Variants in LRRC66 observed in about 807,000 individuals in gnomAD.
The protein encoded by LRRC66 is leucine-rich repeat-containing protein 66.
LRRC66 carries 29 observed loss-of-function variants against 24.6 expected under a neutral mutation model. The ratio of observed to expected loss-of-function variants is 1.18; its 90% CI spans 0.88 to 1.61. LRRC66 has a LOEUF of 1.61. Ranked by LOEUF, LRRC66 falls within the 40% of genes most tolerant of loss-of-function variation. LRRC66 has a pLI of 0.00. For synonymous variants in LRRC66, 411 were observed against 397.6 expected, an observed-to-expected ratio of 1.03 and a Z score of -0.40; for missense variants, 1,124 against 1,058.0, an observed-to-expected ratio of 1.06 and a Z score of -0.87.
intron 4 of LRRC66, 76 bp from the exon 5 acceptor site, chr4:51,996,241 G>A: frequency 1.4e-6 from 2 of 1,388,988 alleles, no homozygotes; most frequent in East Asian, 2.4e-5. Flanking sequence ...CTTTTTTACA[G>A]AATTGAAAAA....
chr4:52,003,477 C>T (rs1385279777), intron 2 of LRRC66, 85 bp from the exon 3 acceptor site: 2 of 1,140,076 alleles, frequency 1.8e-6, no homozygotes. Flanking sequence ...TTGGAGACAA[C>T]ATTAAGAGTT....
Position 52,002,598 on chromosome 4 carries a change from C to T in LRRC66, c.666+625G>A, listed in dbSNP as rs938583237. ...GCACCTTGGGAGATTAACTGCAACGCGCCAGAGACAGGAACTATTGGGCCA... is the reference window on the plus strand; with the variant it reads ...GCACCTTGGGAGATTAACTGCAACGTGCCAGAGACAGGAACTATTGGGCCA... On this transcript the variant is annotated intron_variant, in intron 3 of 4. Transcript: ENST00000682860. Among the ~76,000 whole-genome samples, 11 of 152,314 alleles carry T rather than the reference C, an allele frequency of 7.2e-5. No homozygotes were observed. In the South Asian group the frequency reaches 1.2e-3, roughly 17 times the overall value.
chr4:51,994,097 G>T lies in LRRC66; in HGVS notation c.*282C>A. ...TGTTTGGAGCTCTTGTAATAATGGT[G>T]CATGGTTCTTGGAATGATCTCAAAA... On this transcript the variant is annotated 3_prime_UTR_variant, in exon 5 of 5. Transcript: ENST00000682860. The T allele has an allele frequency of 6.0e-6, 2 of 333,288 alleles. No individual in the cohort carries two copies. Among genetic ancestry groups the T allele is most frequent in the Non-Finnish European group, 1.1e-5 (2 of 183,884 alleles). 20.6% of individuals were successfully genotyped at this position (333,288 alleles called of 1,614,324 possible). A position where few individuals can be genotyped will look rare whatever the true frequency, so the allele number is the denominator to read the frequency against.
intron 3 of LRRC66, among the ~76,000 whole-genome samples, chr4:52,000,967 C>T (rs1013069629): frequency 1.3e-5 from 2 of 152,190 alleles, no homozygotes; most frequent in African/African-American, 4.8e-5. Flanking sequence ...CAACAGATAA[C>T]TAATACTCCT....
intron 2 of LRRC66, among the ~76,000 whole-genome samples, chr4:52,004,724 T>C (rs976135361): frequency 3.9e-5 from 6 of 152,230 alleles, no homozygotes; most frequent in Middle Eastern, 3.2e-3. Context: ...AAGGTACTTA[T>C]TGTAAGATTG....
intron 3 of LRRC66, among the ~76,000 whole-genome samples, chr4:51,999,544 A>C (rs993636073): frequency 6.6e-6 from 1 of 152,240 alleles, no homozygotes; most frequent in African/African-American, 2.4e-5. Context: ...GACGATCAGT[A>C]GCTTTCTTAT....
chr4:51,994,497 CTAAG>C lies in LRRC66; in HGVS notation c.2521_2524del (p.Leu841GlufsTer3), dbSNP rs776225232. 5 of 1,614,198 alleles carry C rather than the reference CTAAG, an allele frequency of 3.1e-6. No individual in the cohort carries two copies. The highest frequency in any genetic ancestry group is 4.2e-6 in the Non-Finnish European group (5 of 1,180,036). ...GTCCACATTTGAAAATTCTAAGTCT[CTAAG>C]TGAGCAATGCCATTCTGCTGCCTTG... On this transcript the variant is annotated frameshift_variant, in exon 5 of 5. Coordinates refer to ENST00000682860, the MANE Select transcript of LRRC66 (RefSeq NM_001024611.3). LOFTEE classifies it low-confidence loss of function (END_TRUNC).
At chr4:52,002,949 T>G (rs909736904) in intron 3 of LRRC66, among the ~76,000 whole-genome samples, 1 of 152,228 alleles carries the variant, frequency 6.6e-6, no homozygotes, top group Non-Finnish European at 1.5e-5. Context: ...AGTGAAATCT[T>G]GGAGTTGGAT....
At position 51,996,199 on chromosome 4, in the gene LRRC66, G is replaced by C. The variant is rs753585769; in HGVS notation, c.857-34C>G. On this transcript the variant is annotated intron_variant, in intron 4 of 4. Transcript: ENST00000682860. ...GGGATTAAAAAAATACACATTGAGC[G>C]AACATTGAAATAAGATTTCAGGGGT... is the stretch of plus-strand genomic sequence containing the variant. The C allele has an allele frequency of 2.7e-5, 40 of 1,502,856 alleles. No homozygotes were observed. The South Asian group carries it at 4.5e-4, about 17-fold the overall frequency. The allele number at this position is 1,502,856 out of a possible 1,614,324, so 93.1% of individuals were successfully genotyped here.
At chr4:52,012,155 C>G (rs1490785430) in intron 2 of LRRC66, among the ~76,000 whole-genome samples, 1 of 151,892 alleles carries the variant, frequency 6.6e-6, no homozygotes, top group Non-Finnish European at 1.5e-5. Context: ...CCACTGCACT[C>G]CAGTCTGGGT....
At chr4:51,996,421 T>C (rs1736320008) in intron 4 of LRRC66, among the ~76,000 whole-genome samples, 1 of 151,916 alleles carries the variant, frequency 6.6e-6, no homozygotes, top group Admixed American at 6.6e-5. Flanking sequence ...CTGCTTTTTT[T>C]TTATTTTCCT....
intron 3 of LRRC66, among the ~76,000 whole-genome samples, chr4:51,998,469 A>T (rs1736374210): frequency 6.6e-6 from 1 of 152,162 alleles, no homozygotes; most frequent in Non-Finnish European, 1.5e-5. Flanking sequence ...AATTGGACTC[A>T]AATTCCTGGG....
intron 3 of LRRC66, among the ~76,000 whole-genome samples, chr4:52,000,300 A>C (rs1560558076): frequency 1.3e-5 from 2 of 152,224 alleles, no homozygotes; most frequent in East Asian, 3.8e-4. Context: ...AAAAATGCAC[A>C]GAAAATACAA....
chr4:52,014,659 A>G (rs1736773188), intron 2 of LRRC66, among the ~76,000 whole-genome samples: 1 of 152,234 alleles, frequency 6.6e-6, no homozygotes, highest in African/African-American at 2.4e-5. Flanking sequence ...ACTCAGCCAT[A>G]GTCACAGAAT....
intron 2 of LRRC66, among the ~76,000 whole-genome samples, chr4:52,015,104 T>G (rs1267032082): frequency 6.6e-6 from 1 of 152,188 alleles, no homozygotes; most frequent in East Asian, 1.9e-4. Flanking sequence ...CACTTCCTAT[T>G]TACTCTTGTG....
chr4:52,013,120 T>A (rs775852504), intron 2 of LRRC66, among the ~76,000 whole-genome samples: 1 of 152,218 alleles, frequency 6.6e-6, no homozygotes, highest in African/African-American at 2.4e-5. Flanking sequence ...TAGTTTAGTG[T>A]CTTATATACT....
chr4:52,018,475 A>C (rs1736867956), intron 1 of LRRC66: 5 of 985,302 alleles, frequency 5.1e-6, no homozygotes, highest in Non-Finnish European at 6.0e-6. Context: ...ATGAGTTTCC[A>C]AGAAATTGTC....
In LRRC66 at chr4:51,994,801, C is replaced by T; in HGVS notation, c.2221G>A (p.Gly741Arg). The change falls in exon 5 of 5, where the codon GGG becomes AGG. Residue 741 changes from glycine (G) to arginine (R), a missense_variant. Physicochemically the swap from Gly to Arg is moderately radical, Grantham distance 125. Transcript: ENST00000682860. ...DEESLQDESSGASKDNVTAVD... is the reference protein window; with the variant it reads ...DEESLQDESSRASKDNVTAVD... Reference sequence around the variant, plus strand: ...GCCGTCACATTGTCCTTGCTTGCCCCTGAGCTCTCGTCCTGCAGGGACTCC... The same window carrying T: ...GCCGTCACATTGTCCTTGCTTGCCCTTGAGCTCTCGTCCTGCAGGGACTCC... The T allele has an allele frequency of 6.2e-7, 1 of 1,614,232 alleles. No homozygotes were observed. Among genetic ancestry groups the T allele is most frequent in the South Asian group, 1.1e-5 (1 of 91,090 alleles).
At chr4:52,005,186 TA>T (rs1279482907) in intron 2 of LRRC66, among the ~76,000 whole-genome samples, 1 of 152,194 alleles carries the variant, frequency 6.6e-6, no homozygotes, top group African/African-American at 2.4e-5. Context: ...AAAAATTCAA[TA>T]AAAATTTGCA....
Sources: allele counts gnomAD v4.1 joint callset (sites outside exome capture counted in the v4.1 genomes callset), GRCh38; gene constraint gnomAD v4.1.1; transcripts MANE v1.5; gene names NCBI Gene and HGNC (gene_info 2026-07-23, HGNC 2026-07-21).